NFIC: variants seen among roughly 807,000 people sequenced by gnomAD.
The protein encoded by NFIC is nuclear factor 1 C-type.
In NFIC, 12 loss-of-function variants were observed where a neutral mutation model predicts 54.4. The observed-to-expected ratio is 0.22, with a 90% CI of 0.14 to 0.36. The LOEUF (loss-of-function observed/expected upper bound fraction) is 0.36. Ranked by LOEUF, NFIC falls within the 10% of genes least tolerant of loss-of-function variation. The pLI, the probability that NFIC is intolerant of heterozygous loss-of-function variation, is 1.00. For synonymous variants in NFIC, 322 were observed against 319.2 expected (o/e 1.01, Z -0.09); for missense variants, 575 against 718.2 (o/e 0.80, Z 2.28).
chr19:3,438,377 CT>C (rs1198745889), intron 6 of NFIC, among the ~76,000 whole-genome samples: 2 of 151,026 alleles, frequency 1.3e-5, no homozygotes, highest in Non-Finnish European at 1.5e-5. Flanking sequence ...GCTCCTGCAG[CT>C]TCCACTTGAT....
intron 1 of NFIC, among the ~76,000 whole-genome samples, chr19:3,372,097 T>C (rs2081031277): frequency 6.9e-6 from 1 of 145,204 alleles, no homozygotes; most frequent in Admixed American, 6.9e-5. Flanking sequence ...CTCAGCTCAC[T>C]GCAACCTCCG....
At chr19:3,417,110 C>T (rs902038159) in intron 2 of NFIC, among the ~76,000 whole-genome samples, 12 of 150,584 alleles carry the variant, frequency 8.0e-5, no homozygotes, top group African/African-American at 2.9e-4. Flanking sequence ...TGGTCTCGAT[C>T]TCCTGACCTC....
intron 1 of NFIC, among the ~76,000 whole-genome samples, chr19:3,372,156 A>G (rs1214865605): frequency 6.6e-6 from 1 of 151,460 alleles, no homozygotes; most frequent in African/African-American, 2.4e-5. Flanking sequence ...AAGTAGCTGG[A>G]ATTACAGGCA....
intron 9 of NFIC, among the ~76,000 whole-genome samples, chr19:3,454,750 A>C (rs1426463715): frequency 9.1e-5 from 10 of 109,404 alleles, no homozygotes; most frequent in African/African-American, 1.5e-4. Context: ...TCTGTCCCTC[A>C]CTCTCCAAAT....
At chr19:3,462,374 CT>C (rs1257595240) in intron 10 of NFIC, among the ~76,000 whole-genome samples, 1 of 152,188 alleles carries the variant, frequency 6.6e-6, no homozygotes, top group Non-Finnish European at 1.5e-5. Context: ...AAGAGCGAAA[CT>C]CCATCTCAAA....
chr19:3,463,651 G>C lies in NFIC; in HGVS notation c.*882G>C. On this transcript the variant is annotated 3_prime_UTR_variant, in exon 11 of 11. Transcript: ENST00000443272. ...CCACCCCCCACCCCCGGCATAGGAG[G>C]CCCCCCCACCTCGCCCGGCTCACAC... The C allele has an allele frequency of 1.0e-6, 1 of 954,856 alleles. No individual in the cohort carries two copies. The allele number at this position is 954,856 out of a possible 1,614,324, so 59.1% of individuals were successfully genotyped here. A position where few individuals can be genotyped will look rare whatever the true frequency, so the allele number is the denominator to read the frequency against.
At chr19:3,442,328 G>A (rs2082306400) in intron 6 of NFIC, among the ~76,000 whole-genome samples, 2 of 151,956 alleles carry the variant, frequency 1.3e-5, no homozygotes, top group African/African-American at 4.8e-5. Flanking sequence ...CACAGGGCGG[G>A]GCAGGCAGCC....
At chr19:3,405,424 A>G (rs1315335015) in intron 2 of NFIC, among the ~76,000 whole-genome samples, 1 of 152,102 alleles carries the variant, frequency 6.6e-6, no homozygotes, top group African/African-American at 2.4e-5. Flanking sequence ...GGTCATCTGC[A>G]CTGTCAGGAT....
chr19:3,369,456 A>T lies in NFIC; in HGVS notation c.30+2790A>T, dbSNP rs1401823446. Among the ~76,000 whole-genome samples the T allele has an allele frequency of 2.7e-5, 4 of 149,370 alleles. No homozygotes were observed. Among genetic ancestry groups the T allele is most frequent in the Admixed American group, 2.7e-4 (4 of 15,046 alleles). On this transcript the variant is annotated intron_variant, in intron 1 of 10. Transcript: ENST00000443272. This position sits in a 1 kb window ranked among gnomAD's most constrained non-coding sequence, Gnocchi z 4.3. ...TAATTTTACAACCTGAGCCCAACCG[A>T]AAATAGCTCCCTTTTAGCTGATCCG...
In NFIC at chr19:3,369,519, TG is replaced by T; in HGVS notation, c.30+2859del. ...CTCGGGAGCCGAGGCTGGCGGGGGG[TG>T]GGGGGCATCTCGGTGCCAGCCCGCT... On this transcript the variant is annotated intron_variant, in intron 1 of 10. Transcript: ENST00000443272. This position sits in a 1 kb window ranked among gnomAD's most constrained non-coding sequence, Gnocchi z 4.3. Among the ~76,000 whole-genome samples the T allele has an allele frequency of 6.6e-6, 1 of 151,658 alleles. No individual in the cohort carries two copies. The highest frequency in any genetic ancestry group is 2.1e-4 in the South Asian group (1 of 4,786).
intron 10 of NFIC, among the ~76,000 whole-genome samples, chr19:3,461,337 C>T (rs1260911553): frequency 6.6e-6 from 1 of 151,932 alleles, no homozygotes; most frequent in Non-Finnish European, 1.5e-5. Context: ...GTGGGAGGAT[C>T]ACTTGAGCCC....
At chr19:3,433,161 C>T (rs759004226) in intron 3 of NFIC, among the ~76,000 whole-genome samples, 57 of 151,782 alleles carry the variant, frequency 3.8e-4, no homozygotes, top group Non-Finnish European at 7.2e-4. Flanking sequence ...GATGGGGTCT[C>T]GCTGTGTTCC....
At chr19:3,431,364 T>C (rs1310310196) in intron 3 of NFIC, among the ~76,000 whole-genome samples, 15 of 113,816 alleles carry the variant, frequency 1.3e-4, no homozygotes, top group Admixed American at 2.6e-4. Context: ...CTTCTTCTTT[T>C]TTTTTTTTTT....
At chr19:3,444,334 C>T (rs1358814305) in intron 6 of NFIC, among the ~76,000 whole-genome samples, 5 of 152,234 alleles carry the variant, frequency 3.3e-5, no homozygotes, top group African/African-American at 1.2e-4. Context: ...GTCCTCCTCA[C>T]AGTCAATATT....
At chr19:3,442,240 C>A (rs1419015617) in intron 6 of NFIC, among the ~76,000 whole-genome samples, 1 of 152,216 alleles carries the variant, frequency 6.6e-6, no homozygotes, top group Non-Finnish European at 1.5e-5. Flanking sequence ...TTGGAGCAGC[C>A]CCCACTGTGC....
Position 3,374,228 on chromosome 19 carries a change from A to G in NFIC, c.31-7484A>G, listed in dbSNP as rs1043689607. On this transcript the variant is annotated intron_variant, in intron 1 of 10. Coordinates refer to ENST00000443272, the MANE Select transcript of NFIC (RefSeq NM_001245002.2). ...GGTGAGTGAGGGCATCACCCAGTGC[A>G]TGGCGTGGTCGTTCAGCAAGGTCTT... Among the ~76,000 whole-genome samples, 5 of 152,160 alleles carry G rather than the reference A, an allele frequency of 3.3e-5. No individual in the cohort carries two copies. The South Asian group carries it at 6.2e-4, about 19-fold the overall frequency.
intron 6 of NFIC, among the ~76,000 whole-genome samples, chr19:3,444,403 A>G (rs1773807896): frequency 6.6e-6 from 1 of 152,226 alleles, no homozygotes; most frequent in African/African-American, 2.4e-5. Flanking sequence ...CTGAGAGGAA[A>G]GATGGCCACT....
At chr19:3,438,680 G>A (rs1426090178) in intron 6 of NFIC, among the ~76,000 whole-genome samples, 4 of 151,910 alleles carry the variant, frequency 2.6e-5, no homozygotes, top group Non-Finnish European at 2.9e-5. Flanking sequence ...CTCGTGATCC[G>A]CCCATCTCGG....
rs1421160191 is a variant in NFIC, at chr19:3,467,783, A to ATATATATATATG, written c.*5020_*5021insTATATGTATATA. The ATATATATATATG allele has an allele frequency of 7.2e-6, 1 of 138,038 alleles. No individual in the cohort carries two copies. The highest frequency in any genetic ancestry group is 2.8e-5 in the African/African-American group (1 of 35,424). The allele number at this position is 138,038 out of a possible 1,614,324, so 8.6% of individuals were successfully genotyped here. A position where few individuals can be genotyped will look rare whatever the true frequency, so the allele number is the denominator to read the frequency against. ...CATATATATATATATATATATATAT[A>ATATATATATATG]TATATAATTTTGGAATTTGTTTCTC... On this transcript the variant is annotated 3_prime_UTR_variant, in exon 11 of 11. Coordinates refer to ENST00000443272, the MANE Select transcript of NFIC (RefSeq NM_001245002.2).
Sources: allele counts gnomAD v4.1 joint callset (sites outside exome capture counted in the v4.1 genomes callset), GRCh38; gene constraint gnomAD v4.1.1; non-coding constraint Gnocchi (gnomAD v3.1); transcripts MANE v1.5; gene names NCBI Gene and HGNC (gene_info 2026-07-23, HGNC 2026-07-21).